The following JAK2 variants were observed in gnomAD, a reference collection of about 807,000 sequenced individuals.
JAK2 encodes the protein Janus kinase 2.
A neutral mutation model predicts 139.3 loss-of-function variants in JAK2; 86 were observed. The observed-to-expected ratio is 0.62, with a 90% CI of 0.52 to 0.74. The LOEUF (loss-of-function observed/expected upper bound fraction) is 0.74. Among genes scored for constraint, JAK2 ranks in the 30% least tolerant of loss-of-function variants. The pLI is 0.00. For synonymous variants in JAK2, 490 were observed against 437.7 expected (o/e 1.12, Z -1.49); for missense variants, 1,421 against 1,360.3 (o/e 1.04, Z -0.70).
At chr9:5,008,649 C>A (rs1398545672) in intron 2 of JAK2, among the ~76,000 whole-genome samples, 1 of 152,138 alleles carries the variant, frequency 6.6e-6, no homozygotes, top group Admixed American at 6.5e-5. Context: ...AAACTGAACT[C>A]TTTTAGAGTT....
intron 2 of JAK2, among the ~76,000 whole-genome samples, chr9:5,002,703 T>G (rs1820996744): frequency 6.6e-6 from 1 of 152,010 alleles, no homozygotes; most frequent in African/African-American, 2.4e-5. Flanking sequence ...TTTTTGTTAA[T>G]TCCTGAGAAA....
At chr9:5,076,776 T>C (rs1470892353) in intron 14 of JAK2, among the ~76,000 whole-genome samples, 1 of 152,182 alleles carries the variant, frequency 6.6e-6, no homozygotes, top group Admixed American at 6.5e-5. Context: ...TCTACACTTG[T>C]ATGACATTTT....
At chr9:5,040,596 A>G (rs146753719) in intron 4 of JAK2, among the ~76,000 whole-genome samples, 26 of 152,402 alleles carry the variant, frequency 1.7e-4, no homozygotes, top group Non-Finnish European at 3.2e-4. Flanking sequence ...CAGAATATAA[A>G]AGAATTCTTA....
rs1392154336 is a variant in JAK2, at chr9:5,054,299, A to G, written c.615-264A>G. 6.6e-6 allele frequency among the ~76,000 whole-genome samples: 1 copy of G among 152,074 alleles called. No individual in the cohort carries two copies. The highest frequency in any genetic ancestry group is 1.9e-4 in the East Asian group (1 of 5,198). On this transcript the variant is annotated intron_variant, in intron 6 of 24. Transcript: ENST00000381652. This position sits in a 1 kb window ranked among gnomAD's most constrained non-coding sequence, Gnocchi z 4.9. ...TTCTTATTAACTAGACTGAGGATTC[A>G]TTTCATTAGGGGAAGAAGATTAACA...
chr9:5,119,802 C>T (rs1161631314), intron 22 of JAK2, among the ~76,000 whole-genome samples: 1 of 151,900 alleles, frequency 6.6e-6, no homozygotes, highest in Non-Finnish European at 1.5e-5. Context: ...ACTTAATGAA[C>T]ACAAAAAATA....
At chr9:5,126,643 C>T in intron 24 of JAK2, 41 bp from the exon 25 acceptor site, 1 of 1,372,930 alleles carries the variant, frequency 7.3e-7, no homozygotes, top group Middle Eastern at 1.8e-4. Flanking sequence ...AAAGATGGCC[C>T]TTAGTGTTCA....
chr9:5,044,009 T>G (rs1223209012), intron 4 of JAK2, among the ~76,000 whole-genome samples: 1 of 152,248 alleles, frequency 6.6e-6, no homozygotes, highest in Non-Finnish European at 1.5e-5. Flanking sequence ...TTTGTTTCTC[T>G]GAAGGACAAG....
At chr9:5,112,299 C>A in intron 22 of JAK2, 1 of 266,602 alleles carries the variant, frequency 3.8e-6, no homozygotes, top group Non-Finnish European at 7.3e-6. Flanking sequence ...ATCCATGTTG[C>A]CCTCTCCAGC....
chr9:5,087,044 C>G (rs1820174677), intron 19 of JAK2, among the ~76,000 whole-genome samples: 1 of 152,070 alleles, frequency 6.6e-6, no homozygotes, highest in South Asian at 2.1e-4. Context: ...AGAAAAAAAT[C>G]AGATATAAAT....
At chr9:5,062,150 T>C (rs1404719372) in intron 8 of JAK2, among the ~76,000 whole-genome samples, 3 of 152,028 alleles carry the variant, frequency 2.0e-5, no homozygotes, top group Non-Finnish European at 4.4e-5. Flanking sequence ...CAGCCAAACA[T>C]GGATGGAAAA....
rs1822464904 is a variant in JAK2 at position 5,022,027 on chromosome 9, A to G, written c.40A>G (p.Thr14Ala). The change falls in exon 3 of 25, where the codon ACA becomes GCA. Residue 14 changes from threonine (T) to alanine (A), a missense_variant. Coordinates refer to ENST00000381652, the MANE Select transcript of JAK2 (RefSeq NM_004972.4). Reference sequence around the variant, plus strand: ...CCTTACGATGACAGAAATGGAGGGAACATCCACCTCTTCTATATATCAGAA... The same window carrying G: ...CCTTACGATGACAGAAATGGAGGGAGCATCCACCTCTTCTATATATCAGAA... Reference protein sequence around the residue: ...ACLTMTEMEGTSTSSIYQNGD... With the variant: ...ACLTMTEMEGASTSSIYQNGD... 6.2e-7 allele frequency: 1 copy of G among 1,614,156 alleles called. No individual in the cohort carries two copies. The highest frequency in any genetic ancestry group is 8.5e-7 in the Non-Finnish European group (1 of 1,179,952).
rs750624043 is a variant in JAK2 at position 5,073,681 on chromosome 9, CT to C, written c.1777-7del. On this transcript the variant is annotated splice_polypyrimidine_tract_variant and intron_variant, in intron 13 of 24. Transcript: ENST00000381652. The stretch of plus-strand genomic sequence containing the variant: ...AACAGTCAAACAACAATTCTTTGTA[CT>C]TTTTTTTTTCCTTAGTCTTTCTTTG... 8.8e-4 allele frequency: 1,254 copies of C among 1,417,536 alleles called. No homozygotes were observed. The highest frequency in any genetic ancestry group is 9.2e-4 in the South Asian group (74 of 80,002). 87.8% of individuals were successfully genotyped at this position (1,417,536 alleles called of 1,614,324 possible). A position where few individuals can be genotyped will look rare whatever the true frequency, so the allele number is the denominator to read the frequency against.
chr9:5,091,089 GA>G, intron 22 of JAK2, 178 bp downstream of exon 22: 1 of 485,416 alleles, frequency 2.1e-6, no homozygotes, highest in Non-Finnish European at 3.6e-6. Context: ...GTCCACGTGG[GA>G]AAATGGCATA....
intron 13 of JAK2, 47 bp from the exon 14 acceptor site, chr9:5,073,651 T>G (rs1482640631): frequency 1.4e-6 from 2 of 1,381,104 alleles, no homozygotes; most frequent in Non-Finnish European, 2.0e-6. Flanking sequence ...GAACTATTTA[T>G]GGACAACAGT....
intron 23 of JAK2, among the ~76,000 whole-genome samples, chr9:5,125,053 C>G (rs1404811889): frequency 6.6e-5 from 10 of 150,976 alleles, no homozygotes; most frequent in Non-Finnish European, 1.2e-4. Context: ...AATAAACCTT[C>G]CAAAGTAATT....
At chr9:5,055,277 G>A (rs1454673769) in intron 7 of JAK2, among the ~76,000 whole-genome samples, 1 of 151,904 alleles carries the variant, frequency 6.6e-6, no homozygotes, top group Non-Finnish European at 1.5e-5. Context: ...TTTATTTTAG[G>A]TTTGCATTGC....
intron 2 of JAK2, among the ~76,000 whole-genome samples, chr9:5,003,405 T>C (rs1007519063): frequency 1.3e-5 from 2 of 152,166 alleles, no homozygotes; most frequent in South Asian, 4.1e-4. Context: ...TAGAAATGTT[T>C]TACAGTTTTT....
intron 22 of JAK2, among the ~76,000 whole-genome samples, chr9:5,102,530 A>G (rs1455885799): frequency 6.6e-6 from 1 of 152,206 alleles, no homozygotes; most frequent in African/African-American, 2.4e-5. Context: ...CAAATTCAGG[A>G]AATACAGAGA....
At position 5,111,134 on chromosome 9, in the gene JAK2, TCA is replaced by T. The variant is rs1822476219; in HGVS notation, c.3060-11869_3060-11868del. On this transcript the variant is annotated intron_variant, in intron 22 of 24. Transcript: ENST00000381652. ...TCCTCCTTTGACCCCAGCTGGACGT[TCA>T]GCGAAGGCGCTCAACTTGCTGAGTC... 7 of 1,041,322 alleles carry T rather than the reference TCA, an allele frequency of 6.7e-6. No homozygotes were observed. In the Admixed American group the frequency reaches 1.4e-4, roughly 21 times the overall value. The allele number at this position is 1,041,322 out of a possible 1,614,324, so 64.5% of individuals were successfully genotyped here. A position where few individuals can be genotyped will look rare whatever the true frequency, so the allele number is the denominator to read the frequency against.
Sources: gnomAD v4.1 joint callset for allele counts (sites outside exome capture counted in the v4.1 genomes callset) on GRCh38, gnomAD v4.1.1 for gene constraint, Gnocchi (gnomAD v3.1) non-coding constraint, MANE v1.5 for transcripts, NCBI Gene and HGNC (gene_info 2026-07-23, HGNC 2026-07-21) for gene names.